The following CATSPERT variants were observed in gnomAD, a reference collection of about 807,000 sequenced individuals.
CATSPERT encodes cation channel sperm-associated targeting subunit tau.
the CATSPERT span, among the ~76,000 whole-genome samples, chr2:201,525,743 G>C: frequency 6.6e-6 from 1 of 152,042 alleles, no homozygotes; most frequent in Non-Finnish European, 1.5e-5. Flanking sequence ...AAGAAAAAGA[G>C]AGAAGATCCA....
At chr2:201,523,508 C>T in the CATSPERT span, among the ~76,000 whole-genome samples, 5 of 152,300 alleles carry the variant, frequency 3.3e-5, no homozygotes, top group South Asian at 1.0e-3. Flanking sequence ...AGGACAGCAA[C>T]TTTAAAGATT....
At chr2:201,523,052 T>C in the CATSPERT span, among the ~76,000 whole-genome samples, 28 of 152,170 alleles carry the variant, frequency 1.8e-4, no homozygotes, top group African/African-American at 6.8e-4. Context: ...GATGGGCCCC[T>C]GCCAGCATGC....
At chr2:201,492,089 A>G in the CATSPERT span, 1 of 1,527,112 alleles carries the variant, frequency 6.5e-7, no homozygotes, top group Non-Finnish European at 8.7e-7. Context: ...TGTAAGGGAA[A>G]ATATTTCTTT....
chr2:201,583,048 T>C, the CATSPERT span, among the ~76,000 whole-genome samples: 1 of 152,186 alleles, frequency 6.6e-6, no homozygotes, highest in African/African-American at 2.4e-5. Flanking sequence ...CTCAATAAAA[T>C]ATTTAAAATA....
chr2:201,564,724 G>A, the CATSPERT span, among the ~76,000 whole-genome samples: 157 of 152,184 alleles, frequency 1.0e-3, 1 homozygote, highest in African/African-American at 3.1e-3. Flanking sequence ...AAGGCCATTT[G>A]CAAACCAGGA....
the CATSPERT span, among the ~76,000 whole-genome samples, chr2:201,613,314 T>A: frequency 6.6e-6 from 1 of 152,180 alleles, no homozygotes; most frequent in Non-Finnish European, 1.5e-5. Context: ...TAGGGGCCAA[T>A]TGACACCTCA....
At chr2:201,540,979 C>A in the CATSPERT span, among the ~76,000 whole-genome samples, 1 of 152,128 alleles carries the variant, frequency 6.6e-6, no homozygotes, top group Non-Finnish European at 1.5e-5. Context: ...TTGATTACAA[C>A]CCTCATGGAT....
the CATSPERT span, chr2:201,493,140 C>T: frequency 1.3e-6 from 2 of 1,526,150 alleles, no homozygotes; most frequent in Non-Finnish European, 8.8e-7. Flanking sequence ...AGGATTTTAA[C>T]ATTATTTCAT....
At chr2:201,619,011 G>T in the CATSPERT span, 2 of 1,614,136 alleles carry the variant, frequency 1.2e-6, no homozygotes, top group South Asian at 1.1e-5. Flanking sequence ...TAATGTGCAT[G>T]ATATCCGGGC....
chr2:201,489,660 T>C, the CATSPERT span, among the ~76,000 whole-genome samples: 1 of 152,226 alleles, frequency 6.6e-6, no homozygotes, highest in African/African-American at 2.4e-5. Context: ...GGTAGAATTA[T>C]GCACATCAAA....
chr2:201,543,166 T>G, the CATSPERT span, among the ~76,000 whole-genome samples: 1 of 152,192 alleles, frequency 6.6e-6, no homozygotes, highest in African/African-American at 2.4e-5. Flanking sequence ...TTCATCACAT[T>G]TGCATGGGTT....
At chr2:201,606,018 G>A in the CATSPERT span, among the ~76,000 whole-genome samples, 1 of 152,154 alleles carries the variant, frequency 6.6e-6, no homozygotes, top group Non-Finnish European at 1.5e-5. Flanking sequence ...CCAGTGAAGA[G>A]AATGATAATG....
the CATSPERT span, among the ~76,000 whole-genome samples, chr2:201,563,282 T>C: frequency 7.4e-6 from 1 of 134,648 alleles, no homozygotes. Flanking sequence ...GAGGCGCCCC[T>C]CACCTCCCGG....
the CATSPERT span, among the ~76,000 whole-genome samples, chr2:201,589,239 G>C: frequency 1.3e-5 from 2 of 152,020 alleles, no homozygotes; most frequent in African/African-American, 4.8e-5. Flanking sequence ...ATTCTTCAAA[G>C]AACTAGAGAA....
chr2:201,566,129 T>C, the CATSPERT span, among the ~76,000 whole-genome samples: 1 of 152,086 alleles, frequency 6.6e-6, no homozygotes, highest in Non-Finnish European at 1.5e-5. Context: ...CAAGTTCTAA[T>C]GAGAAGTACA....
At chr2:201,487,612 T>C in the CATSPERT span, 1 of 1,609,756 alleles carries the variant, frequency 6.2e-7, no homozygotes, top group Middle Eastern at 1.7e-4. Context: ...CGAACATTTT[T>C]CAATATCCTC....
At chr2:201,563,011 G>T in the CATSPERT span, among the ~76,000 whole-genome samples, 187 of 150,458 alleles carry the variant, frequency 1.2e-3, no homozygotes, top group African/African-American at 4.4e-3. Context: ...ATCCTGGCCC[G>T]TTCTCAATGA....
the CATSPERT span, chr2:201,491,637 T>TAA: frequency 2.0e-6 from 3 of 1,537,126 alleles, no homozygotes; most frequent in Admixed American, 5.9e-5. Flanking sequence ...GGAAAGTGAT[T>TAA]CTGTTTAAGT....
chr2:201,570,195 ATC>A, the CATSPERT span, among the ~76,000 whole-genome samples: 2 of 152,022 alleles, frequency 1.3e-5, no homozygotes, highest in African/African-American at 4.8e-5. Flanking sequence ...AATAAAAATA[ATC>A]TCTGTTTAGT....
Sources: gnomAD v4.1 joint callset for allele counts (sites outside exome capture counted in the v4.1 genomes callset) on GRCh38, gnomAD v4.1.1 for gene constraint, MANE v1.5 for transcripts, NCBI Gene and HGNC (gene_info 2026-07-23, HGNC 2026-07-21) for gene names.